Variants in CENPF observed in about 807,000 individuals in gnomAD.
The protein encoded by CENPF is AH antigen.
CENPF carries 214 observed loss-of-function variants against 307.3 expected under a neutral mutation model. The observed-to-expected ratio is 0.70, with a 90% CI of 0.62 to 0.78. The LOEUF is 0.78. Among genes scored for constraint, CENPF ranks in the 30% least tolerant of loss-of-function variants. CENPF has a pLI of 0.00. For missense variants in CENPF, 3,401 were observed against 3,483.9 expected (o/e 0.98, Z 0.60); for synonymous variants, 1,259 against 1,270.6 (o/e 0.99, Z 0.19).
chr1:214,622,954 C>G (rs987161166), intron 7 of CENPF, among the ~76,000 whole-genome samples: 3 of 152,298 alleles, frequency 2.0e-5, no homozygotes, highest in African/African-American at 4.8e-5. Context: ...GGTTTACACC[C>G]GAATCCCCAC....
At chr1:214,612,169 A>G (rs1657217601) in intron 1 of CENPF, among the ~76,000 whole-genome samples, 1 of 152,154 alleles carries the variant, frequency 6.6e-6, no homozygotes, top group Non-Finnish European at 1.5e-5. Context: ...TAATTTATTG[A>G]GAGTTTTTAA....
intron 13 of CENPF, 145 bp downstream of exon 13, chr1:214,647,545 G>C (rs1171925822): frequency 2.2e-5 from 20 of 903,460 alleles, no homozygotes; most frequent in Non-Finnish European, 3.0e-5. Context: ...TGTTTACTGG[G>C]TCTTGAATTG....
In CENPF at chr1:214,620,918, T is replaced by C; in HGVS notation, c.837T>C (p.Leu279=). The stretch of plus-strand genomic sequence containing the variant: ...TTGACAATTCTAGCAGTCCTCATCT[T>C]TTGGATCAATTAAAAGCGCAGAATC... ...SFFDNSSSPH[L]LDQLKAQNQE... Residue 279 remains leucine, a synonymous_variant, in exon 6 of 20, where the codon CTT becomes CTC. Coordinates refer to ENST00000366955, the MANE Select transcript of CENPF (RefSeq NM_016343.4). 1 of 1,611,014 alleles carries C rather than the reference T, an allele frequency of 6.2e-7. No homozygotes were observed. Among genetic ancestry groups the C allele is most frequent in the Non-Finnish European group, 8.5e-7 (1 of 1,178,630 alleles).
intron 14 of CENPF, among the ~76,000 whole-genome samples, chr1:214,649,315 A>C (rs1658400096): frequency 6.6e-6 from 1 of 152,230 alleles, no homozygotes; most frequent in African/African-American, 2.4e-5. Flanking sequence ...CCATTTCCAT[A>C]GTAGATATTA....
In CENPF at chr1:214,662,882, C is replaced by T. The variant is rs193068090; in HGVS notation, c.9142-709C>T. On this transcript the variant is annotated intron_variant, in intron 19 of 19. Transcript: ENST00000366955. ...GCAGCTTCAAACTCCTGGGCTCAAG[C>T]GATCCTCTTGCCTCAGCCTCCTGAG... Among the ~76,000 whole-genome samples the T allele has an allele frequency of 1.4e-4, 22 of 152,052 alleles. No homozygotes were observed. The East Asian group carries it at 2.5e-3, about 17-fold the overall frequency.
At chr1:214,608,257 C>T in intron 1 of CENPF, 4 of 1,509,774 alleles carry the variant, frequency 2.6e-6, no homozygotes, top group Admixed American at 2.0e-5. Flanking sequence ...CCCCGGCCCC[C>T]GGCCTGGTCC....
At chr1:214,618,919 GAA>G (rs1657431608) in intron 4 of CENPF, among the ~76,000 whole-genome samples, 2 of 152,104 alleles carry the variant, frequency 1.3e-5, no homozygotes, top group Non-Finnish European at 2.9e-5. Context: ...TATTTTCAAA[GAA>G]ATTCAATTTC....
Position 214,615,045 on chromosome 1 carries a change from G to T in CENPF, c.359+17G>T, listed in dbSNP as rs755771450. The T allele has an allele frequency of 5.9e-6, 9 of 1,517,536 alleles. No homozygotes were observed. The highest frequency in any genetic ancestry group is 8.1e-6 in the Non-Finnish European group (9 of 1,112,276). 94.0% of individuals were successfully genotyped at this position (1,517,536 alleles called of 1,614,324 possible). On this transcript the variant is annotated intron_variant, in intron 3 of 19. Transcript: ENST00000366955. Reference sequence around the variant, plus strand: ...ACTTAAAAGGTAATATTTTGGGATGGTATTTATAGGGATGATATTTGTATG... The same window carrying T: ...ACTTAAAAGGTAATATTTTGGGATGTTATTTATAGGGATGATATTTGTATG...
rs547115089 is a variant in CENPF at position 214,605,897 on chromosome 1, A to G, written c.-42+2576A>G. 22 of 1,597,250 alleles carry G rather than the reference A, an allele frequency of 1.4e-5. No homozygotes were observed. In the African/African-American group the frequency reaches 2.9e-4, roughly 21 times the overall value. ...CGACGTGATCTTGGACACCTTCTCGATGTTAGGGAAGGCGTCGAAGCAGTA... is the reference window on the plus strand; with the variant it reads ...CGACGTGATCTTGGACACCTTCTCGGTGTTAGGGAAGGCGTCGAAGCAGTA... On this transcript the variant is annotated intron_variant, in intron 1 of 19. Transcript: ENST00000366955.
chr1:214,635,145 A>T (rs1401510963), intron 10 of CENPF, among the ~76,000 whole-genome samples: 3 of 152,208 alleles, frequency 2.0e-5, no homozygotes, highest in African/African-American at 7.2e-5. Context: ...TCTGTATTAC[A>T]CTAGGTCCTC....
chr1:214,622,214 A>T lies in CENPF; in HGVS notation c.1001A>T (p.Lys334Ile). The T allele has an allele frequency of 6.2e-7, 1 of 1,614,090 alleles. No homozygotes were observed. The highest frequency in any genetic ancestry group is 8.5e-7 in the Non-Finnish European group (1 of 1,179,980). Residue 334 changes from lysine (K) to isoleucine (I), a missense_variant, in exon 7 of 20, where the codon AAA becomes ATA. Transcript: ENST00000366955. Reference sequence around the variant, plus strand: ...AAAGTGGAATTAATTGAAAAAGAGAAAGTTTTGAACAAATGTAGGGATGAA... The same window carrying T: ...AAAGTGGAATTAATTGAAAAAGAGATAGTTTTGAACAAATGTAGGGATGAA... ...KAKVELIEKE[K>I]VLNKCRDELV...
chr1:214,648,157 G>A (rs1658364328), intron 13 of CENPF, among the ~76,000 whole-genome samples: 2 of 152,124 alleles, frequency 1.3e-5, no homozygotes, highest in Admixed American at 1.3e-4. Context: ...TAAGAATTTT[G>A]GGGTTTTGGA....
chr1:214,613,335 G>A (rs771024660), intron 1 of CENPF: 18 of 245,302 alleles, frequency 7.3e-5, no homozygotes, highest in Non-Finnish European at 1.2e-4. Flanking sequence ...GGCCTTCTTC[G>A]AGTTCTTCCA....
intron 9 of CENPF, among the ~76,000 whole-genome samples, chr1:214,631,462 G>A (rs970506692): frequency 1.3e-5 from 2 of 152,174 alleles, no homozygotes; most frequent in African/African-American, 2.4e-5. Flanking sequence ...AAGAACATAT[G>A]CATCCCAATA....
intron 7 of CENPF, among the ~76,000 whole-genome samples, chr1:214,625,906 A>G (rs748086428): frequency 9.2e-5 from 14 of 152,150 alleles, no homozygotes; most frequent in Non-Finnish European, 1.0e-4. Flanking sequence ...TTTTCTGTAC[A>G]TACATTTAGA....
At position 214,663,779 on chromosome 1, in the gene CENPF, C is replaced by G. The variant is rs201071952; in HGVS notation, c.9330C>G (p.Asn3110Lys). ...KAGLESNGSE[N>K]CKVQ ...GACTGGAGTCCAACGGCAGTGAGAA[C>G]TGTAAGGTCCAGTGAAGGCACTTTG... The change falls in exon 20 of 20, where the codon AAC becomes AAG. Residue 3110 changes from asparagine to lysine, a missense_variant. Asn to Lys is a moderately conservative substitution (Grantham distance 94). Coordinates refer to ENST00000366955, the MANE Select transcript of CENPF (RefSeq NM_016343.4). The G allele has an allele frequency of 3.7e-6, 6 of 1,613,924 alleles. No individual in the cohort carries two copies. The East Asian group carries it at 1.3e-4, about 36-fold the overall frequency.
chr1:214,608,487 G>A (rs1042975735), intron 1 of CENPF: 3 of 1,612,624 alleles, frequency 1.9e-6, no homozygotes, highest in Non-Finnish European at 2.5e-6. Flanking sequence ...CGGCATTGCT[G>A]TGCGAGAAGA....
At chr1:214,652,210 T>C (rs1448039840) in intron 15 of CENPF, among the ~76,000 whole-genome samples, 2 of 150,776 alleles carry the variant, frequency 1.3e-5, no homozygotes, top group African/African-American at 4.9e-5. Context: ...TAATTTTTTG[T>C]ATTTTTAGTA....
chr1:214,647,896 G>A, intron 13 of CENPF: 2 of 425,510 alleles, frequency 4.7e-6, no homozygotes, highest in South Asian at 1.7e-5. Context: ...GGCTTCTAGG[G>A]TGTGTTTTGG....
Sources: allele counts gnomAD v4.1 joint callset (sites outside exome capture counted in the v4.1 genomes callset), GRCh38; gene constraint gnomAD v4.1.1; transcripts MANE v1.5; gene names NCBI Gene and HGNC (gene_info 2026-07-23, HGNC 2026-07-21).